The following TANGO6 variants were observed in gnomAD, a reference collection of about 807,000 sequenced individuals.
TANGO6 encodes the protein transport and golgi organization 6 homolog.
In TANGO6, 90 loss-of-function variants were observed where a neutral mutation model predicts 114.2. The observed-to-expected ratio is 0.79, with a 90% CI of 0.66 to 0.94. The LOEUF is 0.94. TANGO6 is among the 40% of genes least tolerant of loss of function. The pLI is 0.00. For missense variants in TANGO6, 1,274 were observed against 1,315.3 expected (o/e 0.97, Z 0.49); for synonymous variants, 477 against 509.8 (o/e 0.94, Z 0.87).
intron 1 of TANGO6, among the ~76,000 whole-genome samples, chr16:68,857,719 G>A (rs1158028561): frequency 6.6e-6 from 1 of 152,096 alleles, no homozygotes; most frequent in Non-Finnish European, 1.5e-5. Context: ...ATTCTAATAG[G>A]TATATAATGG....
intron 14 of TANGO6, among the ~76,000 whole-genome samples, chr16:68,969,762 C>T (rs931400641): frequency 6.6e-6 from 1 of 151,454 alleles, no homozygotes; most frequent in African/African-American, 2.4e-5. Context: ...AATTGAAAAA[C>T]AGTCCAACTG....
intron 15 of TANGO6, among the ~76,000 whole-genome samples, chr16:68,991,995 C>T (rs529250416): frequency 2.0e-5 from 3 of 151,558 alleles, no homozygotes; most frequent in East Asian, 1.9e-4. Flanking sequence ...GAGAGACCAT[C>T]ATCCTTTTTT....
Position 69,072,394 on chromosome 16 carries a change from G to A in TANGO6, c.3109-11091G>A, listed in dbSNP as rs140193665. On this transcript the variant is annotated intron_variant, in intron 17 of 17. Coordinates refer to ENST00000261778, the MANE Select transcript of TANGO6 (RefSeq NM_024562.2). ...ACCTTGCCCTGGAGTCCTTGGGCCT[G>A]ATACAGTTGGGGGATGAACAGCAGG... 3.9e-5 allele frequency among the ~76,000 whole-genome samples: 6 copies of A among 152,200 alleles called. No homozygotes were observed. The East Asian group carries it at 9.7e-4, about 24-fold the overall frequency.
intron 17 of TANGO6, among the ~76,000 whole-genome samples, chr16:69,054,631 A>C (rs1960004197): frequency 6.6e-6 from 1 of 152,032 alleles, no homozygotes; most frequent in South Asian, 2.1e-4. Context: ...ACTACTTTCT[A>C]GTATCAAAAC....
At position 68,867,074 on chromosome 16, in the gene TANGO6, C is replaced by T; in HGVS notation, c.853-5C>T. 1 of 1,480,252 alleles carries T rather than the reference C, an allele frequency of 6.8e-7. No individual in the cohort carries two copies. The highest frequency in any genetic ancestry group is 1.1e-5 in the South Asian group (1 of 87,610). 91.7% of individuals were successfully genotyped at this position (1,480,252 alleles called of 1,614,324 possible). Reference sequence around the variant, plus strand: ...TCAGAATTCACACCTTCTTCTTTTTCTCAGTCCTGCACAGATGTGAAGACA... The same window carrying T: ...TCAGAATTCACACCTTCTTCTTTTTTTCAGTCCTGCACAGATGTGAAGACA... On this transcript the variant is annotated splice_polypyrimidine_tract_variant and splice_region_variant and intron_variant, in intron 3 of 17. Transcript: ENST00000261778.
intron 16 of TANGO6, among the ~76,000 whole-genome samples, chr16:69,028,877 AAAAG>A (rs936336892): frequency 2.0e-5 from 3 of 151,610 alleles, no homozygotes; most frequent in Non-Finnish European, 1.5e-5. Context: ...AAAAAAAAGA[AAAAG>A]AAAAACTACA....
chr16:68,912,722 C>T (rs914076875), intron 11 of TANGO6, among the ~76,000 whole-genome samples: 7 of 151,872 alleles, frequency 4.6e-5, no homozygotes, highest in South Asian at 2.1e-4. Flanking sequence ...GTACTGAACA[C>T]GTTTATCTGC....
chr16:68,870,924 G>T (rs1962256739), intron 4 of TANGO6, among the ~76,000 whole-genome samples: 1 of 151,184 alleles, frequency 6.6e-6, no homozygotes, highest in Non-Finnish European at 1.5e-5. Flanking sequence ...GGGATTACAG[G>T]TGCCAGCCAC....
intron 15 of TANGO6, among the ~76,000 whole-genome samples, chr16:69,006,573 A>G (rs1964093595): frequency 6.6e-6 from 1 of 151,724 alleles, no homozygotes; most frequent in Non-Finnish European, 1.5e-5. Flanking sequence ...GCAAAACTCC[A>G]TCTCTACTTA....
rs530705723 is a variant in TANGO6 at position 68,893,427 on chromosome 16, C to T, written c.1378-7007C>T. Among the ~76,000 whole-genome samples, 12 of 152,134 alleles carry T rather than the reference C, an allele frequency of 7.9e-5. No individual in the cohort carries two copies. The East Asian group carries it at 1.7e-3, about 22-fold the overall frequency. On this transcript the variant is annotated intron_variant, in intron 7 of 17. Coordinates refer to ENST00000261778, the MANE Select transcript of TANGO6 (RefSeq NM_024562.2). The stretch of plus-strand genomic sequence containing the variant: ...TCAGTGATATGCTTCTTAGGAACAT[C>T]TTTATCGTAGGTAGAAATCATACAT...
chr16:69,066,355 C>T (rs749299019), intron 17 of TANGO6, among the ~76,000 whole-genome samples: 2 of 152,086 alleles, frequency 1.3e-5, no homozygotes, highest in African/African-American at 2.4e-5. Flanking sequence ...AGTGCAATGG[C>T]GTGATCTTGG....
At chr16:69,073,672 C>T (rs1252690688) in intron 17 of TANGO6, among the ~76,000 whole-genome samples, 2 of 152,066 alleles carry the variant, frequency 1.3e-5, no homozygotes, top group Non-Finnish European at 1.5e-5. Flanking sequence ...AAAGGGCACT[C>T]GAAGCCAGGC....
chr16:69,012,373 G>T (rs141162206), intron 15 of TANGO6, among the ~76,000 whole-genome samples: 1 of 151,838 alleles, frequency 6.6e-6, no homozygotes, highest in Admixed American at 6.6e-5. Context: ...CCTGACCAAC[G>T]TGGAGAAACC....
In TANGO6 at chr16:68,843,754, C is replaced by T; in HGVS notation, c.94+43C>T. 1.9e-6 allele frequency: 3 copies of T among 1,596,306 alleles called. No homozygotes were observed. In the South Asian group the frequency reaches 3.3e-5, roughly 18 times the overall value. On this transcript the variant is annotated intron_variant, in intron 1 of 17. Coordinates refer to ENST00000261778, the MANE Select transcript of TANGO6 (RefSeq NM_024562.2). ...CGCGCCGGGCTGGACCCGGGACTCTCAGGGCCGCCCGGCTTCCGGGGCTGC... is the reference window on the plus strand; with the variant it reads ...CGCGCCGGGCTGGACCCGGGACTCTTAGGGCCGCCCGGCTTCCGGGGCTGC...
At chr16:68,911,784 G>A (rs1226542650) in intron 11 of TANGO6, among the ~76,000 whole-genome samples, 1 of 152,130 alleles carries the variant, frequency 6.6e-6, no homozygotes, top group African/African-American at 2.4e-5. Flanking sequence ...AGGTTGATTC[G>A]AAGTCTGAGG....
intron 15 of TANGO6, among the ~76,000 whole-genome samples, chr16:68,979,374 C>T (rs138391733): frequency 4.6e-4 from 70 of 152,048 alleles, no homozygotes; most frequent in Middle Eastern, 3.4e-3. Context: ...GGACTACAGG[C>T]GCGTGCCACT....
intron 7 of TANGO6, among the ~76,000 whole-genome samples, chr16:68,886,711 A>G (rs1962543942): frequency 6.6e-6 from 1 of 151,864 alleles, no homozygotes; most frequent in African/African-American, 2.4e-5. Context: ...GGGTTTCACC[A>G]TGTTGACCAG....
intron 16 of TANGO6, chr16:69,035,374 A>C (rs1959670061): frequency 6.6e-6 from 1 of 152,252 alleles, no homozygotes; most frequent in African/African-American, 2.4e-5. Flanking sequence ...AACCAACTGA[A>C]TTTTAATAAA....
chr16:68,958,505 A>AGAG (rs1555525467), intron 14 of TANGO6, among the ~76,000 whole-genome samples: 5 of 146,178 alleles, frequency 3.4e-5, no homozygotes, highest in Admixed American at 1.4e-4. Context: ...AAAAAAAAAA[A>AGAG]AGAGAGAGGA....
Sources: gnomAD v4.1 joint callset for allele counts (sites outside exome capture counted in the v4.1 genomes callset) on GRCh38, gnomAD v4.1.1 for gene constraint, MANE v1.5 for transcripts, NCBI Gene and HGNC (gene_info 2026-07-23, HGNC 2026-07-21) for gene names.